The following DLEU7 variants were observed in gnomAD, a reference collection of about 807,000 sequenced individuals.
The protein encoded by DLEU7 is leukemia-associated protein 7.
DLEU7 carries 17 observed loss-of-function variants against 16.0 expected under a neutral mutation model. The ratio of observed to expected loss-of-function variants is 1.06; its 90% CI spans 0.73 to 1.59. The LOEUF (loss-of-function observed/expected upper bound fraction) is 1.59, where lower values mean the gene tolerates loss of function less well. DLEU7 is among the 40% of genes most tolerant of loss of function. The probability of loss-of-function intolerance (pLI) is 0.00; values close to 1 mark genes in which losing one functional copy is unlikely to be tolerated. For synonymous variants in DLEU7, 113 were observed against 139.8 expected, an observed-to-expected ratio of 0.81 and a Z score of 1.35; for missense variants, 308 against 314.9, an observed-to-expected ratio of 0.98 and a Z score of 0.17.
In DLEU7 at chr13:50,843,479, C is replaced by T. The variant is rs1442757136; in HGVS notation, c.168G>A (p.Pro56=). The T allele has an allele frequency of 2.2e-6, 3 of 1,342,280 alleles. No homozygotes were observed. The highest frequency in any genetic ancestry group is 2.8e-6 in the Non-Finnish European group (3 of 1,054,740). The allele number at this position is 1,342,280 out of a possible 1,614,324, so 83.1% of individuals were successfully genotyped here. The stretch of plus-strand genomic sequence containing the variant: ...GCCCGGGCCCCGGCCGGGCCCGCGG[C>T]GGGCCTGAGCGACGGGCTGGAGCGG... ...VSTAPARRSG[P]PRARPGPGRE... The change falls in exon 1 of 2, where the codon CCG becomes CCA. Residue 56 remains proline, a synonymous_variant. Coordinates refer to ENST00000504404, the MANE Select transcript of DLEU7 (RefSeq NM_001306135.2). The surrounding 1 kb of genome is among the most constrained non-coding windows in gnomAD (Gnocchi z 5.7).
rs559963858 is a variant in DLEU7, at chr13:50,746,344, C to T, written c.460-33104G>A. 2.0e-5 allele frequency among the ~76,000 whole-genome samples: 3 copies of T among 152,250 alleles called. No homozygotes were observed. In the South Asian group the frequency reaches 6.2e-4, roughly 32 times the overall value. ...AAGAAATGCTAAAAAATAACTGTTG[C>T]CTAGTTCAGCTAAGGCAACGTGATT... On this transcript the variant is annotated intron_variant, in intron 1 of 1. Transcript: ENST00000400393.
chr13:50,843,045 T>G lies in DLEU7; in HGVS notation c.459+143A>C. ...AGTCCCCAGAGTGTCCCCCGCCCCC[T>G]TCCTTCTCCCACTGGGGCTGAATCA... is the stretch of plus-strand genomic sequence containing the variant. On this transcript the variant is annotated intron_variant, in intron 1 of 1. Coordinates refer to ENST00000504404, the MANE Select transcript of DLEU7 (RefSeq NM_001306135.2). This position sits in a 1 kb window ranked among gnomAD's most constrained non-coding sequence, Gnocchi z 5.7. 1.1e-6 allele frequency: 1 copy of G among 875,216 alleles called. No individual in the cohort carries two copies. Among genetic ancestry groups the G allele is most frequent in the Non-Finnish European group, 1.6e-6 (1 of 609,770 alleles). The allele number at this position is 875,216 out of a possible 1,614,324, so 54.2% of individuals were successfully genotyped here. A position where few individuals can be genotyped will look rare whatever the true frequency, so the allele number is the denominator to read the frequency against.
intron 1 of DLEU7, among the ~76,000 whole-genome samples, chr13:50,801,075 G>A (rs9535482): frequency 0.18 from 26,944 of 152,076 alleles, 4,238 homozygotes; most frequent in African/African-American, 0.41. Context: ...TGACTCTACA[G>A]AAAAAGTTGT....
At chr13:50,828,280 T>A (rs1877158315) in intron 1 of DLEU7, among the ~76,000 whole-genome samples, 1 of 152,208 alleles carries the variant, frequency 6.6e-6, no homozygotes, top group Non-Finnish European at 1.5e-5. Flanking sequence ...TATATTATAA[T>A]GTCACAAAGC....
chr13:50,771,281 CTTAG>C (rs1426592987), intron 1 of DLEU7, among the ~76,000 whole-genome samples: 5 of 152,032 alleles, frequency 3.3e-5, no homozygotes, highest in African/African-American at 1.2e-4. Flanking sequence ...CTGCTCTGAT[CTTAG>C]TTATTTATTG....
At chr13:50,749,294 A>G (rs1359254537) in intron 1 of DLEU7, among the ~76,000 whole-genome samples, 1 of 152,012 alleles carries the variant, frequency 6.6e-6, no homozygotes, top group Non-Finnish European at 1.5e-5. Context: ...ATATCTATAT[A>G]GATGTAGATA....
chr13:50,838,266 A>G (rs991245493), intron 1 of DLEU7, among the ~76,000 whole-genome samples: 8 of 152,226 alleles, frequency 5.3e-5, no homozygotes, highest in Non-Finnish European at 7.3e-5. Flanking sequence ...CGCTCATTGA[A>G]ACGGGTGAGC....
chr13:50,718,338 C>G (rs556384508), intron 1 of DLEU7, among the ~76,000 whole-genome samples: 58 of 152,198 alleles, frequency 3.8e-4, no homozygotes, highest in Non-Finnish European at 7.2e-4. Flanking sequence ...ATTTGGGTGC[C>G]ATTTAAATTT....
In DLEU7 at chr13:50,800,297, A is replaced by G. The variant is rs563177343; in HGVS notation, c.459+42891T>C. On this transcript the variant is annotated intron_variant, in intron 1 of 1. Coordinates refer to the DLEU7 transcript ENST00000400393. ...CTATGGCTAATGCTCAGCCCGGTTGACTGAGTGTAAAAAATAGATTTAAAA... is the reference window on the plus strand; with the variant it reads ...CTATGGCTAATGCTCAGCCCGGTTGGCTGAGTGTAAAAAATAGATTTAAAA... Among the ~76,000 whole-genome samples the G allele has an allele frequency of 9.8e-5, 15 of 152,328 alleles. No homozygotes were observed. The South Asian group carries it at 2.5e-3, about 25-fold the overall frequency.
At chr13:50,717,413 G>A (rs1463837663) in intron 1 of DLEU7, among the ~76,000 whole-genome samples, 1 of 152,152 alleles carries the variant, frequency 6.6e-6, no homozygotes, top group Non-Finnish European at 1.5e-5. Flanking sequence ...AACAGAACAG[G>A]TCTGGAGAAA....
chr13:50,715,961 T>G (rs1873428746), intron 1 of DLEU7, among the ~76,000 whole-genome samples: 1 of 152,244 alleles, frequency 6.6e-6, no homozygotes, highest in Admixed American at 6.5e-5. Flanking sequence ...CATGCACTGC[T>G]TCCCCTCCAC....
chr13:50,749,983 G>A (rs1874517603), intron 1 of DLEU7, among the ~76,000 whole-genome samples: 1 of 152,070 alleles, frequency 6.6e-6, no homozygotes, highest in Admixed American at 6.5e-5. Context: ...ATTTGCTTTT[G>A]GGTTCTTGGT....
At chr13:50,784,269 C>T (rs1341955131) in intron 1 of DLEU7, among the ~76,000 whole-genome samples, 2 of 152,188 alleles carry the variant, frequency 1.3e-5, no homozygotes, top group East Asian at 3.9e-4. Flanking sequence ...TACTTCAGAA[C>T]ATTGGTCCCT....
At chr13:50,735,762 A>G (rs999586079) in intron 1 of DLEU7, among the ~76,000 whole-genome samples, 7 of 152,304 alleles carry the variant, frequency 4.6e-5, no homozygotes, top group Admixed American at 2.6e-4. Flanking sequence ...AAAAAGCTCA[A>G]TATCACCAAT....
chr13:50,746,972 T>C (rs189903418), intron 1 of DLEU7, among the ~76,000 whole-genome samples: 1 of 144,106 alleles, frequency 6.9e-6, no homozygotes. Context: ...CACACACACA[T>C]GTATAGAGTG....
At chr13:50,781,013 GCAAT>G (rs1223947328) in intron 1 of DLEU7, among the ~76,000 whole-genome samples, 2 of 152,148 alleles carry the variant, frequency 1.3e-5, no homozygotes, top group Non-Finnish European at 1.5e-5. Context: ...GTTTGCTCAA[GCAAT>G]CAATCAAACA....
chr13:50,832,049 A>G (rs1877289709), intron 1 of DLEU7, among the ~76,000 whole-genome samples: 1 of 152,186 alleles, frequency 6.6e-6, no homozygotes, highest in Non-Finnish European at 1.5e-5. Context: ...GAATAGTTAC[A>G]GAAGGAATGG....
intron 1 of DLEU7, among the ~76,000 whole-genome samples, chr13:50,825,154 C>A (rs2137803576): frequency 6.6e-6 from 1 of 151,756 alleles, no homozygotes; most frequent in Non-Finnish European, 1.5e-5. Context: ...ATTAGTCATC[C>A]TTAAGTATTT....
At chr13:50,815,350 T>C (rs1468677385) in intron 1 of DLEU7, among the ~76,000 whole-genome samples, 2 of 152,162 alleles carry the variant, frequency 1.3e-5, no homozygotes, top group African/African-American at 2.4e-5. Flanking sequence ...CAAAGATCTT[T>C]TAAACCTATA....
Sources: allele counts gnomAD v4.1 joint callset (sites outside exome capture counted in the v4.1 genomes callset), GRCh38; gene constraint gnomAD v4.1.1; non-coding constraint Gnocchi (gnomAD v3.1); transcripts MANE v1.5; gene names NCBI Gene and HGNC (gene_info 2026-07-23, HGNC 2026-07-21).